The following GNAQ variants were observed in gnomAD, a reference collection of about 807,000 sequenced individuals.
GNAQ encodes the protein guanine nucleotide-binding protein G(q) subunit alpha.
GNAQ carries 8 observed loss-of-function variants against 43.9 expected under a neutral mutation model. That is an observed-to-expected ratio of 0.18 (90% confidence interval 0.11 to 0.33). GNAQ has a LOEUF of 0.33. Among genes scored for constraint, GNAQ ranks in the 10% least tolerant of loss-of-function variants. The probability of loss-of-function intolerance (pLI) is 1.00; values close to 1 mark genes in which losing one functional copy is unlikely to be tolerated. For missense variants in GNAQ, 158 were observed against 450.8 expected, an observed-to-expected ratio of 0.35 and a Z score of 5.88; for synonymous variants, 155 against 170.7, an observed-to-expected ratio of 0.91 and a Z score of 0.71.
intron 5 of GNAQ, among the ~76,000 whole-genome samples, chr9:77,756,088 GTGCTGGA>G (rs1022942511): frequency 6.6e-6 from 1 of 152,232 alleles, no homozygotes; most frequent in Non-Finnish European, 1.5e-5. Flanking sequence ...TCTTTCTCCT[GTGCTGGA>G]TGCTTCCTGC....
intron 2 of GNAQ, among the ~76,000 whole-genome samples, chr9:77,857,508 A>AGAAGGAAGGGAAGAAG (rs1349199480): frequency 1.4e-5 from 2 of 140,286 alleles, no homozygotes; most frequent in Non-Finnish European, 3.1e-5. Context: ...GACACAGGAA[A>AGAAGGAAGGGAAGAAG]GAAGGAAGGG....
At chr9:78,001,185 G>T (rs1437238228) in intron 1 of GNAQ, among the ~76,000 whole-genome samples, 1 of 152,052 alleles carries the variant, frequency 6.6e-6, no homozygotes, top group Non-Finnish European at 1.5e-5. Flanking sequence ...ATCACTTGAG[G>T]TCAGGAGTTA....
intron 1 of GNAQ, among the ~76,000 whole-genome samples, chr9:77,997,046 T>C (rs922908791): frequency 6.6e-6 from 1 of 152,220 alleles, no homozygotes; most frequent in African/African-American, 2.4e-5. Context: ...TATCTCCCAT[T>C]TTACAAATAA....
At chr9:77,742,226 C>T (rs1045643851) in intron 5 of GNAQ, among the ~76,000 whole-genome samples, 16 of 152,148 alleles carry the variant, frequency 1.1e-4, no homozygotes, top group Admixed American at 4.6e-4. Flanking sequence ...ATCAGCTTTG[C>T]ACTAACAAGC....
intron 6 of GNAQ, among the ~76,000 whole-genome samples, chr9:77,723,563 A>ATAT (rs765043902): frequency 3.8e-4 from 58 of 152,244 alleles, no homozygotes; most frequent in Non-Finnish European, 1.0e-4. Flanking sequence ...ACCAAACCAA[A>ATAT]CAGAATATCA....
At chr9:77,980,640 C>T (rs1823356722) in intron 1 of GNAQ, among the ~76,000 whole-genome samples, 1 of 150,336 alleles carries the variant, frequency 6.7e-6, no homozygotes, top group South Asian at 2.2e-4. Flanking sequence ...AGAAGCAATT[C>T]CAAAAGATAC....
intron 1 of GNAQ, among the ~76,000 whole-genome samples, chr9:77,989,443 G>A (rs1178671783): frequency 1.3e-5 from 2 of 152,234 alleles, no homozygotes; most frequent in Non-Finnish European, 2.9e-5. Flanking sequence ...AAGCAGTTCT[G>A]ACTGTGAGAC....
intron 1 of GNAQ, among the ~76,000 whole-genome samples, chr9:77,994,102 G>A (rs1823540873): frequency 6.6e-6 from 1 of 152,128 alleles, no homozygotes. Flanking sequence ...CTGCAGCTTT[G>A]ATCTCCTGGG....
intron 1 of GNAQ, among the ~76,000 whole-genome samples, chr9:77,992,716 G>A (rs1052699123): frequency 3.9e-5 from 6 of 152,096 alleles, no homozygotes; most frequent in East Asian, 1.9e-4. Context: ...GGCTGAAGGC[G>A]GGTGGATCAC....
At chr9:77,847,257 C>T (rs1827602467) in intron 2 of GNAQ, among the ~76,000 whole-genome samples, 1 of 152,192 alleles carries the variant, frequency 6.6e-6, no homozygotes. Context: ...CACGAAAGTC[C>T]TGCAAATATT....
At position 77,718,930 on chromosome 9, in the gene GNAQ, C is replaced by T. The variant is rs1326000959; in HGVS notation, c.*2393G>A. ...TATGAATTGTATAAAAGCTCATATTCCAATCCTAGATCAAATGGCAAAAGT... is the reference window on the plus strand; with the variant it reads ...TATGAATTGTATAAAAGCTCATATTTCAATCCTAGATCAAATGGCAAAAGT... On this transcript the variant is annotated 3_prime_UTR_variant, in exon 7 of 7. Transcript: ENST00000286548. 3 of 231,870 alleles carry T rather than the reference C, an allele frequency of 1.3e-5. No individual in the cohort carries two copies. Among genetic ancestry groups the T allele is most frequent in the Non-Finnish European group, 2.6e-5 (3 of 117,460 alleles). The allele number at this position is 231,870 out of a possible 1,614,324, so 14.4% of individuals were successfully genotyped here. A position where few individuals can be genotyped will look rare whatever the true frequency, so the allele number is the denominator to read the frequency against.
intron 1 of GNAQ, among the ~76,000 whole-genome samples, chr9:77,986,105 C>T (rs1189301526): frequency 6.6e-6 from 1 of 152,132 alleles, no homozygotes; most frequent in South Asian, 2.1e-4. Context: ...AGTCCCACAT[C>T]AATATTTGTT....
chr9:77,762,157 T>C (rs1461477284), intron 5 of GNAQ, among the ~76,000 whole-genome samples: 3 of 119,946 alleles, frequency 2.5e-5, no homozygotes, highest in Admixed American at 8.4e-5. Context: ...AGCCGCCCCG[T>C]CCGGGAGGTG....
intron 1 of GNAQ, among the ~76,000 whole-genome samples, chr9:77,988,746 G>A (rs911170770): frequency 3.9e-5 from 6 of 152,126 alleles, no homozygotes; most frequent in African/African-American, 1.4e-4. Context: ...TGTTATAAAA[G>A]GTCAATGAAG....
At chr9:78,029,704 T>TA (rs1242823020) in intron 1 of GNAQ, among the ~76,000 whole-genome samples, 1 of 152,206 alleles carries the variant, frequency 6.6e-6, no homozygotes, top group Non-Finnish European at 1.5e-5. Context: ...ATCCAGTACA[T>TA]AAGCAGTTCA....
chr9:77,934,162 G>A (rs1315343942), intron 1 of GNAQ, among the ~76,000 whole-genome samples: 1 of 142,270 alleles, frequency 7.0e-6, no homozygotes, highest in African/African-American at 2.5e-5. Context: ...CTCCCAGCCC[G>A]CCCACAGGAG....
chr9:77,911,877 GAAA>G (rs1564149267), intron 2 of GNAQ, among the ~76,000 whole-genome samples: 1 of 152,052 alleles, frequency 6.6e-6, no homozygotes. Context: ...ATCTAAAAAA[GAAA>G]ACCGTATTAT....
chr9:77,926,080 G>A (rs937272512), intron 1 of GNAQ, among the ~76,000 whole-genome samples: 1 of 151,964 alleles, frequency 6.6e-6, no homozygotes, highest in Non-Finnish European at 1.5e-5. Context: ...TGGAACCCGC[G>A]AATAGGGAAG....
At chr9:77,918,640 T>C (rs1828951112) in intron 2 of GNAQ, among the ~76,000 whole-genome samples, 2 of 152,158 alleles carry the variant, frequency 1.3e-5, no homozygotes, top group Admixed American at 1.3e-4. Flanking sequence ...AGAATTCCAC[T>C]CAAGCTAAAT....
Sources: gnomAD v4.1 joint callset for allele counts (sites outside exome capture counted in the v4.1 genomes callset) on GRCh38, gnomAD v4.1.1 for gene constraint, MANE v1.5 for transcripts, NCBI Gene and HGNC (gene_info 2026-07-23, HGNC 2026-07-21) for gene names.